The following CES5A variants were observed in gnomAD, a reference collection of about 807,000 sequenced individuals.
The protein encoded by CES5A is carboxylesterase 5.
In CES5A, 67 loss-of-function variants were observed where a neutral mutation model predicts 62.9. The ratio of observed to expected loss-of-function variants is 1.07; its 90% confidence interval spans 0.88 to 1.31. The LOEUF (loss-of-function observed/expected upper bound fraction) is 1.31, where lower values mean the gene tolerates loss of function less well. CES5A is among the 50% of genes most tolerant of loss of function. The probability of loss-of-function intolerance (pLI) is 0.00; values close to 1 mark genes in which losing one functional copy is unlikely to be tolerated. For synonymous variants in CES5A, 296 were observed against 280.8 expected (o/e 1.05, Z -0.54); for missense variants, 748 against 708.5 (o/e 1.06, Z -0.63).
intron 11 of CES5A, among the ~76,000 whole-genome samples, chr16:55,847,519 C>G (rs2033040619): frequency 6.6e-6 from 1 of 152,132 alleles, no homozygotes; most frequent in African/African-American, 2.4e-5. Flanking sequence ...TCCCTTTCAT[C>G]TCTTCCCTGC....
At chr16:55,866,681 C>CAAAAAAAAAAAAAAAAAAAAAA (rs1287845742) in intron 4 of CES5A, among the ~76,000 whole-genome samples, 2 of 98,376 alleles carry the variant, frequency 2.0e-5, no homozygotes, top group Non-Finnish European at 4.2e-5. Flanking sequence ...AAAAAAAATA[C>CAAAAAAAAAAAAAAAAAAAAAA]AAAAAAATTA....
rs373667974 is a variant in CES5A at position 55,849,627 on chromosome 16, A to T, written c.1420T>A (p.Phe474Ile). Residue 474 changes from phenylalanine (F) to isoleucine (I), a missense_variant, in exon 11 of 13, where the codon TTC becomes ATC. Transcript: ENST00000290567. ...TGGGAAGTGGCCAGTCCCTTACCGAACATAACAATGTCCCCCTTCAGGAAG... is the reference window on the plus strand; with the variant it reads ...TGGGAAGTGGCCAGTCCCTTACCGATCATAACAATGTCCCCCTTCAGGAAG... ...GAFLKGDIVM[F>I]EGATEEEKLL... is the part of the protein sequence containing the mutation. 2.9e-5 allele frequency: 47 copies of T among 1,613,876 alleles called. No individual in the cohort carries two copies. The highest frequency in any genetic ancestry group is 3.6e-5 in the Non-Finnish European group (43 of 1,179,902).
At chr16:55,880,655 G>A (rs2033752319) in intron 1 of CES5A, among the ~76,000 whole-genome samples, 1 of 152,206 alleles carries the variant, frequency 6.6e-6, no homozygotes, top group Non-Finnish European at 1.5e-5. Context: ...ACTGTCAGTG[G>A]TGGACTGGGA....
chr16:55,869,339 C>A (rs2033534268), intron 4 of CES5A: 1 of 382,338 alleles, frequency 2.6e-6, no homozygotes, highest in Non-Finnish European at 4.4e-6. Context: ...ATGTGATGAG[C>A]CAGATCCCTG....
upstream of CES5A, among the ~76,000 whole-genome samples, chr16:55,880,370 T>C (rs2033748648): frequency 6.6e-6 from 1 of 152,220 alleles, no homozygotes; most frequent in Non-Finnish European, 1.5e-5. Flanking sequence ...GAGGGAGCTC[T>C]GAGGTATTCT....
intron 1 of CES5A, among the ~76,000 whole-genome samples, chr16:55,897,907 G>T (rs1189617922): frequency 1.3e-5 from 2 of 152,170 alleles, no homozygotes; most frequent in African/African-American, 4.8e-5. Flanking sequence ...AGAATGAACT[G>T]CTACTTTATG....
At chr16:55,950,029 G>GTGTAGGAAA in intron 1 of CES5A, 1 of 352,298 alleles carries the variant, frequency 2.8e-6, no homozygotes, top group African/African-American at 2.1e-5. Flanking sequence ...ATCCATAACA[G>GTGTAGGAAA]TGTAGGAAAA....
At chr16:55,865,193 C>T (rs1490040045) in intron 5 of CES5A, among the ~76,000 whole-genome samples, 5 of 151,758 alleles carry the variant, frequency 3.3e-5, no homozygotes, top group African/African-American at 7.3e-5. Flanking sequence ...GCAACAAAAG[C>T]GAAACTCCAT....
intron 1 of CES5A, among the ~76,000 whole-genome samples, chr16:55,905,207 C>T (rs1388238985): frequency 2.6e-5 from 4 of 152,106 alleles, no homozygotes; most frequent in African/African-American, 9.7e-5. Flanking sequence ...GTTTCCCAGG[C>T]TCTGCATCCA....
intron 1 of CES5A, among the ~76,000 whole-genome samples, chr16:55,902,357 AATCCCCACAAGTTATTACTC>A (rs377746690): frequency 1.1e-4 from 16 of 152,254 alleles, no homozygotes; most frequent in East Asian, 5.8e-4. Context: ...AAGTTATTAC[AATCCCCACAAGTTATTACTC>A]ATCCCCACAA....
intron 1 of CES5A, among the ~76,000 whole-genome samples, chr16:55,892,724 C>CAAA (rs200542015): frequency 5.4e-5 from 8 of 147,438 alleles, no homozygotes; most frequent in African/African-American, 1.7e-4. Flanking sequence ...ACAACAACAA[C>CAAA]AAAAAAAAAT....
chr16:55,937,807 C>T (rs1187498642), intron 2 of CES5A, among the ~76,000 whole-genome samples: 1 of 152,088 alleles, frequency 6.6e-6, no homozygotes, highest in Non-Finnish European at 1.5e-5. Context: ...CAAAAGGGTC[C>T]TCTTTCTCTC....
At chr16:55,889,134 T>C (rs1325783408) in intron 1 of CES5A, among the ~76,000 whole-genome samples, 2 of 145,800 alleles carry the variant, frequency 1.4e-5, no homozygotes, top group East Asian at 2.0e-4. Flanking sequence ...GCCTAAGACA[T>C]AGAAAAAAAA....
intron 1 of CES5A, among the ~76,000 whole-genome samples, chr16:55,891,186 C>T (rs2033873319): frequency 6.6e-6 from 1 of 152,186 alleles, no homozygotes; most frequent in Non-Finnish European, 1.5e-5. Context: ...CCTGTGTGGT[C>T]TAACCCTAGC....
intron 2 of CES5A, 162 bp from the exon 3 acceptor site, chr16:55,871,925 T>G (rs1381384161): frequency 7.7e-6 from 5 of 652,654 alleles, no homozygotes; most frequent in Non-Finnish European, 1.3e-5. Context: ...CCCCATGGTT[T>G]CCAAAACAAA....
chr16:55,918,189 A>G (rs1418024523), intron 1 of CES5A, among the ~76,000 whole-genome samples: 1 of 152,156 alleles, frequency 6.6e-6, no homozygotes, highest in Non-Finnish European at 1.5e-5. Flanking sequence ...GCTGACCAAC[A>G]TCTACCCAAG....
chr16:55,943,298 T>C (rs1396264510), intron 2 of CES5A, among the ~76,000 whole-genome samples: 2 of 152,212 alleles, frequency 1.3e-5, no homozygotes, highest in East Asian at 3.8e-4. Context: ...ATCAGGATTA[T>C]TGTACGAATG....
chr16:55,930,075 A>G (rs2034294353), upstream of CES5A, among the ~76,000 whole-genome samples: 1 of 152,056 alleles, frequency 6.6e-6, no homozygotes, highest in South Asian at 2.1e-4. Context: ...CCAATCACTA[A>G]TGGTCAGATG....
At chr16:55,886,336 A>T (rs2033815075) in intron 1 of CES5A, among the ~76,000 whole-genome samples, 1 of 152,206 alleles carries the variant, frequency 6.6e-6, no homozygotes, top group South Asian at 2.1e-4. Context: ...TAGGATCCTA[A>T]ATCAGTGACA....
Sources: allele counts gnomAD v4.1 joint callset (sites outside exome capture counted in the v4.1 genomes callset), GRCh38; gene constraint gnomAD v4.1.1; transcripts MANE v1.5; gene names NCBI Gene and HGNC (gene_info 2026-07-23, HGNC 2026-07-21).